Variants in RNF212B observed in about 807,000 individuals in gnomAD.
RNF212B encodes ring finger protein 212B.
RNF212B carries 52 observed loss-of-function variants against 55.5 expected under a neutral mutation model. The ratio of observed to expected loss-of-function variants is 0.94; its 90% CI spans 0.75 to 1.18. The LOEUF is 1.18. Ranked by LOEUF, RNF212B falls within the 50% of genes most tolerant of loss-of-function variation. RNF212B has a pLI of 0.00. For synonymous variants in RNF212B, 99 were observed against 121.4 expected (o/e 0.82, Z 1.21); for missense variants, 289 against 350.4 (o/e 0.82, Z 1.40).
intron 11 of RNF212B, among the ~76,000 whole-genome samples, chr14:23,266,449 T>C (rs1341232313): frequency 6.7e-6 from 1 of 149,646 alleles, no homozygotes; most frequent in Non-Finnish European, 1.5e-5. Context: ...TTCTTTCTTG[T>C]TGCCCAGGCT....
At chr14:23,254,655 A>C (rs1408861596) in intron 4 of RNF212B, among the ~76,000 whole-genome samples, 4 of 152,176 alleles carry the variant, frequency 2.6e-5, no homozygotes, top group African/African-American at 9.7e-5. Context: ...TGGCTTCCCA[A>C]AGTGCCAAGA....
In RNF212B at chr14:23,270,254, C is replaced by T. The variant is rs148101798; in HGVS notation, c.772+294C>T. ...AAGTCCCTATATTGAAAATGCTGGGCGCTCAGTTCTGAGGATTATAAGGCC... is the reference window on the plus strand; with the variant it reads ...AAGTCCCTATATTGAAAATGCTGGGTGCTCAGTTCTGAGGATTATAAGGCC... On this transcript the variant is annotated intron_variant, in intron 13 of 14. Coordinates refer to ENST00000430154, the MANE Select transcript of RNF212B (RefSeq NM_001282322.3). Among the ~76,000 whole-genome samples, 848 of 152,252 alleles carry T rather than the reference C, an allele frequency of 5.6e-3. 7 individuals carry two copies. The highest frequency in any genetic ancestry group is 8.4e-3 in the Non-Finnish European group (572 of 68,018).
chr14:23,220,076 C>T (rs1881426209), intron 2 of RNF212B, among the ~76,000 whole-genome samples: 1 of 151,810 alleles, frequency 6.6e-6, no homozygotes. Flanking sequence ...CCCAGCTACT[C>T]CAGAGGCTGA....
At chr14:23,266,017 C>A (rs1404903443) in intron 11 of RNF212B, among the ~76,000 whole-genome samples, 1 of 152,068 alleles carries the variant, frequency 6.6e-6, no homozygotes, top group Non-Finnish European at 1.5e-5. Context: ...CACTCTGTTG[C>A]CCAGACTGGA....
intron 1 of RNF212B, among the ~76,000 whole-genome samples, chr14:23,240,100 T>C (rs969474325): frequency 1.4e-4 from 22 of 151,824 alleles, no homozygotes; most frequent in Non-Finnish European, 5.9e-5. Flanking sequence ...TATGTATATA[T>C]ATATACACAC....
chr14:23,236,957 C>T (rs1270208117), upstream of RNF212B, among the ~76,000 whole-genome samples: 1 of 140,928 alleles, frequency 7.1e-6, no homozygotes, highest in Non-Finnish European at 1.5e-5. Flanking sequence ...TATTCTGTCT[C>T]TCTCTTTTTT....
chr14:23,217,421 T>C (rs1881195952), intron 2 of RNF212B, among the ~76,000 whole-genome samples: 1 of 152,146 alleles, frequency 6.6e-6, no homozygotes, highest in African/African-American at 2.4e-5. Context: ...CTCTGAGTCC[T>C]GGGGAACTCG....
chr14:23,215,174 G>A (rs1318429483), intron 2 of RNF212B, among the ~76,000 whole-genome samples: 1 of 152,102 alleles, frequency 6.6e-6, no homozygotes, highest in East Asian at 1.9e-4. Context: ...AAAGTGTTTG[G>A]CAGTTCCCCC....
intron 5 of RNF212B, among the ~76,000 whole-genome samples, chr14:23,259,170 G>T (rs978511297): frequency 6.6e-6 from 1 of 150,526 alleles, no homozygotes; most frequent in South Asian, 2.1e-4. Context: ...CAGCGTGGGT[G>T]AAAAAGTGAG....
chr14:23,246,448 C>T (rs747081396), intron 4 of RNF212B, among the ~76,000 whole-genome samples: 9 of 152,090 alleles, frequency 5.9e-5, no homozygotes, highest in Non-Finnish European at 1.2e-4. Flanking sequence ...ATGACCAACT[C>T]GGCCTGCTAA....
chr14:23,252,377 TA>T (rs140157493), intron 4 of RNF212B, among the ~76,000 whole-genome samples: 22 of 151,924 alleles, frequency 1.4e-4, no homozygotes, highest in Non-Finnish European at 5.9e-5. Context: ...ATCAGCCCAT[TA>T]AAAAAAAGTT....
chr14:23,270,557 T>A, intron 13 of RNF212B, 43 bp from the exon 14 acceptor site: 1 of 1,429,100 alleles, frequency 7.0e-7, no homozygotes. Context: ...GCCGAGAAAC[T>A]GCCCAAGTAA....
chr14:23,189,919 T>C (rs1012142975), intron 1 of RNF212B, among the ~76,000 whole-genome samples: 2 of 152,218 alleles, frequency 1.3e-5, no homozygotes, highest in African/African-American at 4.8e-5. Context: ...TACTTGGAAT[T>C]ACCACATCAA....
chr14:23,240,014 A>G (rs2140434450), intron 1 of RNF212B, among the ~76,000 whole-genome samples: 1 of 148,584 alleles, frequency 6.7e-6, no homozygotes, highest in East Asian at 2.0e-4. Flanking sequence ...ACACACACAC[A>G]CACTCATAAC....
intron 2 of RNF212B, among the ~76,000 whole-genome samples, chr14:23,199,791 G>T (rs1337573003): frequency 2.0e-5 from 3 of 152,058 alleles, no homozygotes; most frequent in Non-Finnish European, 4.4e-5. Context: ...ATAGTCAGTA[G>T]GCAGGTATGT....
intron 4 of RNF212B, among the ~76,000 whole-genome samples, chr14:23,253,168 T>G (rs966352947): frequency 3.3e-5 from 5 of 152,194 alleles, no homozygotes; most frequent in African/African-American, 1.2e-4. Flanking sequence ...ATAGGAACTT[T>G]TTTCTTAAAT....
At chr14:23,206,135 C>T (rs763017114) in intron 2 of RNF212B, among the ~76,000 whole-genome samples, 11 of 152,056 alleles carry the variant, frequency 7.2e-5, no homozygotes, top group Non-Finnish European at 1.6e-4. Context: ...AGTGCAGTGG[C>T]AGGATCTCAT....
chr14:23,271,416 C>T (rs527946394), intron 14 of RNF212B, among the ~76,000 whole-genome samples: 7 of 150,728 alleles, frequency 4.6e-5, no homozygotes, highest in Non-Finnish European at 8.9e-5. Context: ...GCACTCCAGC[C>T]TGGGCAGCAG....
chr14:23,227,201 G>A (rs1234116878), intron 2 of RNF212B, among the ~76,000 whole-genome samples: 1 of 150,218 alleles, frequency 6.7e-6, no homozygotes, highest in African/African-American at 2.5e-5. Flanking sequence ...TGAATCTATA[G>A]CTATTTTATT....
Sources: allele counts gnomAD v4.1 joint callset (sites outside exome capture counted in the v4.1 genomes callset), GRCh38; gene constraint gnomAD v4.1.1; transcripts MANE v1.5; gene names NCBI Gene and HGNC (gene_info 2026-07-23, HGNC 2026-07-21).